The following TRPC3 variants were observed in gnomAD, a reference collection of about 807,000 sequenced individuals.
The protein encoded by TRPC3 is transient receptor potential cation channel subfamily C member 3.
In TRPC3, 54 loss-of-function variants were observed where a neutral mutation model predicts 90.9. The ratio of observed to expected loss-of-function variants is 0.59; its 90% confidence interval spans 0.48 to 0.75. The LOEUF is 0.75. Among genes scored for constraint, TRPC3 ranks in the 30% least tolerant of loss-of-function variants. The pLI is 0.00. For missense variants in TRPC3, 918 were observed against 1,194.5 expected (o/e 0.77, Z 3.41); for synonymous variants, 424 against 450.9 (o/e 0.94, Z 0.75).
At chr4:121,950,697 A>C (rs901643309) in intron 1 of TRPC3, 1 of 152,248 alleles carries the variant, frequency 6.6e-6, no homozygotes, top group Non-Finnish European at 1.5e-5. Flanking sequence ...AAAGAAAGAG[A>C]AAAAGAGAGC....
At chr4:121,889,793 T>A (rs1483793847) in intron 10 of TRPC3, among the ~76,000 whole-genome samples, 1 of 152,184 alleles carries the variant, frequency 6.6e-6, no homozygotes, top group African/African-American at 2.4e-5. Context: ...AACTACCATA[T>A]GATCCAGCAA....
At position 121,952,053 on chromosome 4, in the gene TRPC3, C is replaced by CA. The variant is rs1180195221; in HGVS notation, c.-374_-373insT. Among the ~76,000 whole-genome samples the CA allele has an allele frequency of 1.0e-3, 124 of 122,136 alleles. No homozygotes were observed. The highest frequency in any genetic ancestry group is 3.7e-3 in the African/African-American group (119 of 32,334). 80.1% of individuals were successfully genotyped at this position (122,136 alleles called of 152,430 possible). ...ACAGCATCACTTGCTAGGACAGCAT[C>CA]GTTACTCAGGGAGAAGGAGAGGGAG... is the stretch of plus-strand genomic sequence containing the variant. On this transcript the variant is annotated 5_prime_UTR_variant, in exon 1 of 12. Coordinates refer to ENST00000379645, the MANE Select transcript of TRPC3 (RefSeq NM_001130698.2).
chr4:121,911,645 T>C (rs935859916), intron 5 of TRPC3, among the ~76,000 whole-genome samples: 12 of 152,342 alleles, frequency 7.9e-5, no homozygotes, highest in South Asian at 4.1e-4. Flanking sequence ...AAACATAGTA[T>C]ATTTGTAATT....
intron 10 of TRPC3, among the ~76,000 whole-genome samples, chr4:121,898,318 C>A (rs1282668340): frequency 6.6e-6 from 1 of 152,210 alleles, no homozygotes; most frequent in African/African-American, 2.4e-5. Context: ...GGCTGCACAG[C>A]AGGAAGTGAC....
At chr4:121,944,908 A>C (rs1012778666) in intron 1 of TRPC3, among the ~76,000 whole-genome samples, 3 of 152,234 alleles carry the variant, frequency 2.0e-5, no homozygotes, top group Non-Finnish European at 4.4e-5. Context: ...CACAGTGCGA[A>C]CAGCACAGTC....
At chr4:121,889,650 A>G (rs929867571) in intron 10 of TRPC3, among the ~76,000 whole-genome samples, 1 of 152,212 alleles carries the variant, frequency 6.6e-6, no homozygotes, top group Admixed American at 6.5e-5. Flanking sequence ...CAGCCATTAC[A>G]GAAAACAGTA....
In TRPC3 at chr4:121,902,921, G is replaced by A. The variant is rs772430848; in HGVS notation, c.2394C>T (p.Asn798=). ...SFVYFIMRIV[N]FPKCRRRRLQ... is the part of the protein sequence containing the mutation. Reference sequence around the variant, plus strand: ...GCCTTCTCCTTCTGCATTTGGGAAAGTTAACAATTCGCATGATGAAATAAA... The same window carrying A: ...GCCTTCTCCTTCTGCATTTGGGAAAATTAACAATTCGCATGATGAAATAAA... The change falls in exon 9 of 12, where the codon AAC becomes AAT. Residue 798 remains asparagine (N), a synonymous_variant. Transcript: ENST00000379645. The A allele has an allele frequency of 6.2e-7, 1 of 1,613,496 alleles. No homozygotes were observed. The highest frequency in any genetic ancestry group is 1.7e-5 in the Admixed American group (1 of 59,918).
chr4:121,924,561 G>C (rs1729634409), intron 3 of TRPC3, among the ~76,000 whole-genome samples: 1 of 152,108 alleles, frequency 6.6e-6, no homozygotes, highest in South Asian at 2.1e-4. Context: ...TTTGAGACAA[G>C]GTCTTGCTTG....
At chr4:121,914,972 G>A (rs376864191) in intron 3 of TRPC3, 28 bp from the exon 4 acceptor site, 1 of 1,563,206 alleles carries the variant, frequency 6.4e-7, no homozygotes, top group Non-Finnish European at 8.7e-7. Context: ...GTTTGAGAAG[G>A]GGAGAGAAAG....
At chr4:121,948,300 G>C (rs1730561724) in intron 1 of TRPC3, among the ~76,000 whole-genome samples, 2 of 151,382 alleles carry the variant, frequency 1.3e-5, no homozygotes, top group Admixed American at 1.3e-4. Context: ...AATTGTCTCT[G>C]ATCCTGCTTT....
At chr4:121,898,326 G>A (rs1370669153) in intron 10 of TRPC3, among the ~76,000 whole-genome samples, 1 of 152,210 alleles carries the variant, frequency 6.6e-6, no homozygotes, top group Non-Finnish European at 1.5e-5. Context: ...AGCAGGAAGT[G>A]ACAGGCTGGC....
At position 121,888,668 on chromosome 4, in the gene TRPC3, A is replaced by T. The variant is rs570462280; in HGVS notation, c.2548-6239T>A. ...CACCTTGGCCTCCCAAAGTGCTGGG[A>T]TTACAGGCGTGAGCCACCACGCCCA... On this transcript the variant is annotated intron_variant, in intron 10 of 11. Coordinates refer to ENST00000379645, the MANE Select transcript of TRPC3 (RefSeq NM_001130698.2). 7.8e-4 allele frequency among the ~76,000 whole-genome samples: 118 copies of T among 152,078 alleles called. 2 individuals carry two copies. In the South Asian group the frequency reaches 0.024, roughly 30 times the overall value.
rs1727748185 is a variant in TRPC3, at chr4:121,875,891, T to G, written c.*3845A>C. Among the ~76,000 whole-genome samples, 1 of 10,624 alleles carries G rather than the reference T, an allele frequency of 9.4e-5. No homozygotes were observed. The highest frequency in any genetic ancestry group is 6.3e-4 in the African/African-American group (1 of 1,580). The allele number at this position is 10,624 out of a possible 152,430, so 7.0% of individuals were successfully genotyped here. On this transcript the variant is annotated 3_prime_UTR_variant, in exon 12 of 12. Transcript: ENST00000379645. The stretch of plus-strand genomic sequence containing the variant: ...AAAGTTATAAATACCCATTTTAGAT[T>G]TTTTTTTTTTTTTTTTTTTTTTTTT...
chr4:121,946,431 A>T (rs1730491150), intron 1 of TRPC3, among the ~76,000 whole-genome samples: 1 of 152,230 alleles, frequency 6.6e-6, no homozygotes, highest in African/African-American at 2.4e-5. Context: ...ACAAATATTT[A>T]CTCCAAGAAA....
At chr4:121,912,853 G>A (rs769330997) in intron 4 of TRPC3, among the ~76,000 whole-genome samples, 3 of 152,194 alleles carry the variant, frequency 2.0e-5, no homozygotes, top group Admixed American at 6.5e-5. Flanking sequence ...AAAGTCCCAC[G>A]TTCCCGTGAA....
chr4:121,948,767 G>A (rs897605855), intron 1 of TRPC3, among the ~76,000 whole-genome samples: 13 of 151,550 alleles, frequency 8.6e-5, no homozygotes, highest in African/African-American at 2.9e-4. Context: ...GGCCCATAAA[G>A]GTTTCCTTGA....
chr4:121,912,003 A>G lies in TRPC3; in HGVS notation c.1432T>C (p.Ser478Pro). Residue 478 changes from serine to proline, a missense_variant, in exon 5 of 12, where the codon TCA becomes CCA. Physicochemically the swap from Ser to Pro is moderately conservative, Grantham distance 74 (BLOSUM62 -1). Around this residue, in one of 4 missense-constraint regions of TRPC3, gnomAD observed 609 missense variants for 725.9 expected, o/e 0.84. Coordinates refer to ENST00000379645, the MANE Select transcript of TRPC3 (RefSeq NM_001130698.2). ...GTGGTGATGCCTTCGAACCTGTCTG[A>G]GGCATTGAACACAAGCAGACCCAGG... Reference protein sequence around the residue: ...IFLGLLVFNASDRFEGITTLP... With the variant: ...IFLGLLVFNAPDRFEGITTLP... The G allele has an allele frequency of 6.2e-7, 1 of 1,613,942 alleles. No individual in the cohort carries two copies. Among genetic ancestry groups the G allele is most frequent in the Non-Finnish European group, 8.5e-7 (1 of 1,179,876 alleles).
chr4:121,934,890 T>C (rs1730078152), intron 1 of TRPC3, among the ~76,000 whole-genome samples: 1 of 152,212 alleles, frequency 6.6e-6, no homozygotes, highest in Admixed American at 6.5e-5. Context: ...GAGAGGCTTG[T>C]TGACTTATGC....
intron 8 of TRPC3, among the ~76,000 whole-genome samples, chr4:121,903,840 A>T (rs1728787016): frequency 6.6e-6 from 1 of 152,222 alleles, no homozygotes; most frequent in African/African-American, 2.4e-5. Context: ...AACTGAACTG[A>T]AGGACATAAG....
Sources: allele counts gnomAD v4.1 joint callset (sites outside exome capture counted in the v4.1 genomes callset), GRCh38; gene constraint gnomAD v4.1.1; regional missense constraint gnomAD v4.1.1; transcripts MANE v1.5; gene names NCBI Gene and HGNC (gene_info 2026-07-23, HGNC 2026-07-21).